XYLT1: variants seen among roughly 807,000 people sequenced by gnomAD.
XYLT1 encodes the protein xylosyltransferase 1.
Under a neutral mutation model 91.3 loss-of-function variants are expected in XYLT1, and 36 were observed. The ratio of observed to expected loss-of-function variants is 0.39; its 90% CI spans 0.30 to 0.52. The LOEUF is 0.52. XYLT1 is among the 20% of genes least tolerant of loss of function. XYLT1 has a pLI of 0.68. For synonymous variants in XYLT1, 588 were observed against 532.0 expected (o/e 1.11, Z -1.45); for missense variants, 1,242 against 1,284.5 (o/e 0.97, Z 0.51).
intron 2 of XYLT1, among the ~76,000 whole-genome samples, chr16:17,319,569 A>T (rs1457817738): frequency 6.6e-6 from 1 of 151,998 alleles, no homozygotes; most frequent in African/African-American, 2.4e-5. Context: ...CAGCCTCCCA[A>T]ATAGGTAGGA....
intron 1 of XYLT1, among the ~76,000 whole-genome samples, chr16:17,427,015 T>A (rs1222383740): frequency 2.0e-5 from 3 of 150,422 alleles, no homozygotes; most frequent in Non-Finnish European, 4.4e-5. Flanking sequence ...GGCTTGGGAG[T>A]AATTAGGTGG....
rs537154925 is a variant in XYLT1 at position 17,434,534 on chromosome 16, T to C, written c.363+35900A>G. On this transcript the variant is annotated intron_variant, in intron 1 of 11. Transcript: ENST00000261381. ...GGCTTAGCAACCCTGAATAAGCCAG[T>C]TCTCTGTAACCCTCAAGTTAATCAT... is the stretch of plus-strand genomic sequence containing the variant. Among the ~76,000 whole-genome samples, 25 of 152,288 alleles carry C rather than the reference T, an allele frequency of 1.6e-4. 1 individual carries two copies. The South Asian group carries it at 4.6e-3, about 28-fold the overall frequency.
chr16:17,402,627 C>G (rs1056191763), intron 1 of XYLT1, among the ~76,000 whole-genome samples: 1 of 152,066 alleles, frequency 6.6e-6, no homozygotes, highest in Non-Finnish European at 1.5e-5. Context: ...CTCTTGTCTC[C>G]ATGGCAAACA....
intron 1 of XYLT1, among the ~76,000 whole-genome samples, chr16:17,386,315 C>T (rs143291304): frequency 6.6e-6 from 1 of 152,204 alleles, no homozygotes; most frequent in Non-Finnish European, 1.5e-5. Flanking sequence ...GATAACACTA[C>T]CTTAAAAGAA....
At chr16:17,253,078 G>A (rs1382902587) in intron 3 of XYLT1, among the ~76,000 whole-genome samples, 1 of 152,196 alleles carries the variant, frequency 6.6e-6, no homozygotes, top group Non-Finnish European at 1.5e-5. Context: ...GGGTGTCATG[G>A]TTTCCAGAAA....
rs778344946 is a variant in XYLT1 at position 17,259,266 on chromosome 16, C to T, written c.635G>A (p.Gly212Asp). ...CCCGGGAGGCAGCACCTCACCGGGG[C>T]CTTTCCCAGGGAATGTATGTCCTTT... The part of the protein sequence containing the change: ...KGKGHTFPGK[G>D]PGEVLPPGDR... The change falls in exon 3 of 12, where the codon GGC becomes GAC. Residue 212 changes from glycine (G) to aspartate (D), a missense_variant. Transcript: ENST00000261381. 1 of 1,614,144 alleles carries T rather than the reference C, an allele frequency of 6.2e-7. No homozygotes were observed. Among genetic ancestry groups the T allele is most frequent in the South Asian group, 1.1e-5 (1 of 91,070 alleles).
rs570061438 is a variant in XYLT1 at position 17,259,193 on chromosome 16, C to T, written c.708G>A (p.Pro236=). ...NSSHGKDVSR[P]PHARKTGGSS... ...TGCCCCCAGTTTTCCTGGCATGAGG[C>T]GGTCTGGACACATCCTTCCCGTGGC... is the stretch of plus-strand genomic sequence containing the variant. The change falls in exon 3 of 12, where the codon CCG becomes CCA. Residue 236 remains proline, a synonymous_variant. Coordinates refer to ENST00000261381, the MANE Select transcript of XYLT1 (RefSeq NM_022166.4). The T allele has an allele frequency of 1.5e-5, 24 of 1,604,710 alleles. No homozygotes were observed. The highest frequency in any genetic ancestry group is 6.7e-5 in the African/African-American group (5 of 74,292).
rs116116277 is a variant in XYLT1 at position 17,423,536 on chromosome 16, G to A, written c.363+46898C>T. 5.0e-3 allele frequency among the ~76,000 whole-genome samples: 764 copies of A among 152,256 alleles called. 3 individuals are homozygous for A. The highest frequency in any genetic ancestry group is 0.017 in the African/African-American group (713 of 41,544). ...AGTGGCTCTGTGGGGACAATCCCAC[G>A]TGCTGTCCTCCCTACAACCTCACTC... On this transcript the variant is annotated intron_variant, in intron 1 of 11. Transcript: ENST00000261381.
intron 1 of XYLT1, among the ~76,000 whole-genome samples, chr16:17,452,477 C>T (rs1004617578): frequency 1.3e-5 from 2 of 151,960 alleles, no homozygotes; most frequent in Non-Finnish European, 2.9e-5. Context: ...AATTATTTTA[C>T]TCTTTCATAT....
chr16:17,209,405 T>C (rs1396759392), intron 3 of XYLT1, among the ~76,000 whole-genome samples: 2 of 152,254 alleles, frequency 1.3e-5, no homozygotes, highest in Non-Finnish European at 2.9e-5. Context: ...CATCTGTCAA[T>C]GGACCCTTGA....
intron 3 of XYLT1, among the ~76,000 whole-genome samples, chr16:17,257,476 A>T (rs1419185982): frequency 6.6e-6 from 1 of 152,204 alleles, no homozygotes; most frequent in Non-Finnish European, 1.5e-5. Context: ...AAACGAATTC[A>T]CAAACATTTT....
At chr16:17,448,289 C>T (rs566324217) in intron 1 of XYLT1, among the ~76,000 whole-genome samples, 5 of 152,186 alleles carry the variant, frequency 3.3e-5, no homozygotes, top group African/African-American at 2.4e-5. Context: ...TGCTTGAACC[C>T]GGGAGGCGGA....
At position 17,117,786 on chromosome 16, in the gene XYLT1, G is replaced by T. The variant is rs1338243795; in HGVS notation, c.2417C>A (p.Thr806Lys). The T allele has an allele frequency of 1.2e-6, 2 of 1,614,216 alleles. No individual in the cohort carries two copies. Among genetic ancestry groups the T allele is most frequent in the East Asian group, 4.5e-5 (2 of 44,878 alleles). The change falls in exon 11 of 12, where the codon ACA (threonine) becomes AAA (lysine). Residue 806 changes from threonine to lysine, a missense_variant. Coordinates refer to ENST00000261381, the MANE Select transcript of XYLT1 (RefSeq NM_022166.4). ...CAAGTTCAAAGGGGGCTTGTAGTGT[G>T]TGAATTCGGCAGTGGACTCAATGAG... Reference protein sequence around the residue: ...DILIESTAEFTHYKPPLNLPL... With the variant: ...DILIESTAEFKHYKPPLNLPL...
chr16:17,379,685 G>C (rs990004982), intron 1 of XYLT1, among the ~76,000 whole-genome samples: 8 of 151,644 alleles, frequency 5.3e-5, no homozygotes, highest in Non-Finnish European at 1.2e-4. Flanking sequence ...ATAACAGAAA[G>C]CCAGGGAAAG....
intron 2 of XYLT1, among the ~76,000 whole-genome samples, chr16:17,331,375 C>T (rs2034897137): frequency 6.6e-6 from 1 of 152,206 alleles, no homozygotes; most frequent in Non-Finnish European, 1.5e-5. Flanking sequence ...GGCTCCTTGG[C>T]CCTGAAAGAG....
At chr16:17,281,715 T>C (rs1196189974) in intron 2 of XYLT1, among the ~76,000 whole-genome samples, 1 of 152,198 alleles carries the variant, frequency 6.6e-6, no homozygotes, top group African/African-American at 2.4e-5. Flanking sequence ...TCCAAGAGAT[T>C]GCAGGAGCAC....
intron 2 of XYLT1, among the ~76,000 whole-genome samples, chr16:17,265,058 C>T (rs1272104174): frequency 6.6e-6 from 1 of 152,018 alleles, no homozygotes; most frequent in African/African-American, 2.4e-5. Flanking sequence ...CGTGGTGGCA[C>T]GCACCTGTAG....
At chr16:17,253,855 A>AGC (rs1414865018) in intron 3 of XYLT1, among the ~76,000 whole-genome samples, 8 of 149,570 alleles carry the variant, frequency 5.3e-5, no homozygotes, top group African/African-American at 1.7e-4. Flanking sequence ...AGAGAGAGAG[A>AGC]GAGAGAGCGA....
At chr16:17,386,530 T>G (rs7193400) in intron 1 of XYLT1, among the ~76,000 whole-genome samples, 46,721 of 152,018 alleles carry the variant, frequency 0.31, 7,709 homozygotes, top group Non-Finnish European at 0.38. Flanking sequence ...ACAAAAGCTT[T>G]ACTACACCCA....
Sources: gnomAD v4.1 joint callset for allele counts (sites outside exome capture counted in the v4.1 genomes callset) on GRCh38, gnomAD v4.1.1 for gene constraint, MANE v1.5 for transcripts, NCBI Gene and HGNC (gene_info 2026-07-23, HGNC 2026-07-21) for gene names.